Variants in FMNL2 observed in about 807,000 individuals in gnomAD.
FMNL2 encodes formin like 2.
FMNL2 carries 51 observed loss-of-function variants against 130.2 expected under a neutral mutation model. The observed-to-expected ratio is 0.39, with a 90% confidence interval of 0.31 to 0.49. FMNL2 has a LOEUF of 0.49. Among genes scored for constraint, FMNL2 ranks in the 20% least tolerant of loss-of-function variants. The pLI, the probability that FMNL2 is intolerant of heterozygous loss-of-function variation, is 0.85. For missense variants in FMNL2, 977 were observed against 1,316.2 expected (o/e 0.74, Z 3.99); for synonymous variants, 465 against 467.1 (o/e 1.00, Z 0.06).
At chr2:152,433,337 G>A (rs559431267) in intron 1 of FMNL2, among the ~76,000 whole-genome samples, 1 of 152,272 alleles carries the variant, frequency 6.6e-6, no homozygotes, top group African/African-American at 2.4e-5. Flanking sequence ...CAGAAATGAT[G>A]TGCTCTTGTT....
intron 9 of FMNL2, among the ~76,000 whole-genome samples, chr2:152,593,221 A>T (rs911736532): frequency 6.6e-6 from 1 of 152,154 alleles, no homozygotes; most frequent in Non-Finnish European, 1.5e-5. Context: ...TGGTGGAGAG[A>T]CTGGAAACCT....
At chr2:152,493,720 TGGAA>T (rs1691343781) in intron 1 of FMNL2, among the ~76,000 whole-genome samples, 1 of 152,180 alleles carries the variant, frequency 6.6e-6, no homozygotes, top group African/African-American at 2.4e-5. Context: ...CTGCCATAAG[TGGAA>T]GCAGCCTGAG....
At position 152,479,224 on chromosome 2, in the gene FMNL2, A is replaced by G. The variant is rs1429947584; in HGVS notation, c.118-42719A>G. Among the ~76,000 whole-genome samples, 15 of 152,166 alleles carry G rather than the reference A, an allele frequency of 9.9e-5. No individual in the cohort carries two copies. In the East Asian group the frequency reaches 2.9e-3, roughly 29 times the overall value. On this transcript the variant is annotated intron_variant, in intron 1 of 25. Coordinates refer to ENST00000288670, the MANE Select transcript of FMNL2 (RefSeq NM_052905.4). Reference sequence around the variant, plus strand: ...CTGCAGCCTCGAACTCCTGGGCTCAACCAATCCTCCTGCCTCAGCCAATCC... The same window carrying G: ...CTGCAGCCTCGAACTCCTGGGCTCAGCCAATCCTCCTGCCTCAGCCAATCC...
In FMNL2 at chr2:152,619,139, A is replaced by C. The variant is rs750320363; in HGVS notation, c.1608A>C (p.Ser536=). 3 of 1,577,428 alleles carry C rather than the reference A, an allele frequency of 1.9e-6. No homozygotes were observed. The highest frequency in any genetic ancestry group is 2.6e-6 in the Non-Finnish European group (3 of 1,162,470). The change falls in exon 14 of 26, where the codon TCA becomes TCC. Residue 536 remains serine, a synonymous_variant. Transcript: ENST00000288670. The part of the protein sequence containing the change: ...LPPPPPPLPP[S]SDTPETVQNG... ...CTCCTCCACCACCACTGCCTCCCTC[A>C]TCAGACACACCTGAAACAGGTAAGA...
At chr2:152,543,320 C>T (rs539471542) in intron 3 of FMNL2, among the ~76,000 whole-genome samples, 6 of 152,122 alleles carry the variant, frequency 3.9e-5, no homozygotes, top group Admixed American at 3.9e-4. Flanking sequence ...TAGCTGATTC[C>T]ATTCTCAACA....
chr2:152,432,507 G>A (rs1687552364), intron 1 of FMNL2, among the ~76,000 whole-genome samples: 1 of 152,142 alleles, frequency 6.6e-6, no homozygotes, highest in Non-Finnish European at 1.5e-5. Flanking sequence ...GCTGCCTCCC[G>A]TTCCTTTCCT....
chr2:152,338,083 T>G (rs567182318), intron 1 of FMNL2, among the ~76,000 whole-genome samples: 2 of 152,224 alleles, frequency 1.3e-5, no homozygotes, highest in Non-Finnish European at 2.9e-5. Flanking sequence ...CTTCATGAGT[T>G]GCTTAAGAAA....
In FMNL2 at chr2:152,647,959, T is replaced by A; in HGVS notation, c.*54T>A. 4 of 1,387,410 alleles carry A rather than the reference T, an allele frequency of 2.9e-6. No homozygotes were observed. In the Admixed American group the frequency reaches 7.9e-5, roughly 28 times the overall value. The allele number at this position is 1,387,410 out of a possible 1,614,324, so 85.9% of individuals were successfully genotyped here. On this transcript the variant is annotated 3_prime_UTR_variant, in exon 26 of 26. Transcript: ENST00000288670. ...GTGTGCGTGAATGAAACTGCCCACA[T>A]GAACTTTATGTGCTACGATTTAACT...
intron 1 of FMNL2, among the ~76,000 whole-genome samples, chr2:152,366,246 C>T (rs967205194): frequency 1.6e-5 from 2 of 128,892 alleles, no homozygotes; most frequent in Non-Finnish European, 3.1e-5. Context: ...AATGAGAACA[C>T]GTGGACACAG....
In FMNL2 at chr2:152,607,006, G is replaced by GTTTTT. The variant is rs58237890; in HGVS notation, c.877-319_877-315dup. The stretch of plus-strand genomic sequence containing the variant: ...GAAGCTATGGTCGTTTTTTTTTTTT[G>GTTTTT]TTTTTTTTTTTTTTTTTTACCATGA... On this transcript the variant is annotated intron_variant, in intron 9 of 25. Transcript: ENST00000288670. Among the ~76,000 whole-genome samples, 164 of 84,836 alleles carry GTTTTT rather than the reference G, an allele frequency of 1.9e-3. 2 individuals are homozygous for GTTTTT. Among genetic ancestry groups the GTTTTT allele is most frequent in the East Asian group, 0.019 (48 of 2,540 alleles). The allele number at this position is 84,836 out of a possible 152,430, so 55.7% of individuals were successfully genotyped here. A position where few individuals can be genotyped will look rare whatever the true frequency, so the allele number is the denominator to read the frequency against.
intron 1 of FMNL2, among the ~76,000 whole-genome samples, chr2:152,378,155 G>A (rs954330653): frequency 3.3e-5 from 5 of 150,034 alleles, no homozygotes; most frequent in Admixed American, 2.7e-4. Flanking sequence ...TTCAGCCTGT[G>A]TTTACTCTGC....
At chr2:152,402,708 A>T (rs541684580) in intron 1 of FMNL2, among the ~76,000 whole-genome samples, 1 of 152,254 alleles carries the variant, frequency 6.6e-6, no homozygotes, top group African/African-American at 2.4e-5. Flanking sequence ...ATAGTTTCAG[A>T]TGTATGGGAA....
chr2:152,397,539 G>C lies in FMNL2; in HGVS notation c.117+61819G>C, dbSNP rs961041211. 1.6e-4 allele frequency among the ~76,000 whole-genome samples: 24 copies of C among 152,162 alleles called. 1 individual carries two copies. Among genetic ancestry groups the C allele is most frequent in the South Asian group, 6.2e-4 (3 of 4,828 alleles). ...ATGAGACATGCTGGGGAAAGTGATA[G>C]GACACTTTCAGGTTGTGAACCTCAG... is the stretch of plus-strand genomic sequence containing the variant. On this transcript the variant is annotated intron_variant, in intron 1 of 25. Transcript: ENST00000288670.
chr2:152,544,916 C>T (rs984651740), intron 3 of FMNL2, among the ~76,000 whole-genome samples: 1 of 152,118 alleles, frequency 6.6e-6, no homozygotes, highest in Non-Finnish European at 1.5e-5. Context: ...AGATAAGCTT[C>T]CCAGAAAATG....
At chr2:152,584,294 G>A (rs916746386) in intron 9 of FMNL2, among the ~76,000 whole-genome samples, 1 of 152,178 alleles carries the variant, frequency 6.6e-6, no homozygotes, top group African/African-American at 2.4e-5. Context: ...ATATGGCAGA[G>A]AGAGTACCAT....
At chr2:152,464,808 G>A (rs1689436227) in intron 1 of FMNL2, among the ~76,000 whole-genome samples, 1 of 152,220 alleles carries the variant, frequency 6.6e-6, no homozygotes, top group African/African-American at 2.4e-5. Flanking sequence ...CTGTGTGCAT[G>A]TTGTTGCTGT....
intron 18 of FMNL2, 26 bp downstream of exon 18, chr2:152,628,559 AG>A: frequency 6.3e-7 from 1 of 1,584,098 alleles, no homozygotes; most frequent in Non-Finnish European, 8.7e-7. Context: ...CTGGCAGGGG[AG>A]GGGGTCCAAA....
At chr2:152,425,002 A>G (rs75260646) in intron 1 of FMNL2, among the ~76,000 whole-genome samples, 28 of 152,294 alleles carry the variant, frequency 1.8e-4, no homozygotes, top group African/African-American at 6.7e-4. Context: ...CTCTTCATGT[A>G]TCATTTTTGT....
chr2:152,633,830 T>C (rs1310333273), intron 21 of FMNL2, among the ~76,000 whole-genome samples: 1 of 152,244 alleles, frequency 6.6e-6, no homozygotes, highest in Non-Finnish European at 1.5e-5. Context: ...TTGAAAAACA[T>C]CGGTGGGGAA....
Sources: allele counts gnomAD v4.1 joint callset (sites outside exome capture counted in the v4.1 genomes callset), GRCh38; gene constraint gnomAD v4.1.1; transcripts MANE v1.5; gene names NCBI Gene and HGNC (gene_info 2026-07-23, HGNC 2026-07-21).